Variants in GALNTL6 observed in about 807,000 individuals in gnomAD.
GALNTL6 encodes the protein polypeptide N-acetylgalactosaminyltransferase like 6, also known as polypeptide N-acetylgalactosaminyltransferase-like 6.
Under a neutral mutation model 73.7 loss-of-function variants are expected in GALNTL6, and 46 were observed. The ratio of observed to expected loss-of-function variants is 0.62; its 90% CI spans 0.49 to 0.80. The LOEUF is 0.80. Among genes scored for constraint, GALNTL6 ranks in the 30% least tolerant of loss-of-function variants. GALNTL6 has a pLI of 0.00. For synonymous variants in GALNTL6, 259 were observed against 263.7 expected (o/e 0.98, Z 0.17); for missense variants, 604 against 755.0 (o/e 0.80, Z 2.34).
chr4:171,890,629 G>C (rs1176689292), intron 2 of GALNTL6, among the ~76,000 whole-genome samples: 1 of 151,998 alleles, frequency 6.6e-6, no homozygotes, highest in East Asian at 1.9e-4. Context: ...ATTGCAATAA[G>C]CATTATAATT....
chr4:172,477,822 A>G (rs975642931), intron 5 of GALNTL6, among the ~76,000 whole-genome samples: 2 of 152,212 alleles, frequency 1.3e-5, no homozygotes, highest in Non-Finnish European at 2.9e-5. Context: ...TTAACGCTGT[A>G]AAAAAATCAG....
At chr4:173,026,987 T>G (rs550199290) in intron 12 of GALNTL6, among the ~76,000 whole-genome samples, 4 of 152,310 alleles carry the variant, frequency 2.6e-5, no homozygotes, top group African/African-American at 9.6e-5. Context: ...TATATCTATA[T>G]AGATATATAT....
At chr4:172,979,449 T>G (rs1182791673) in intron 10 of GALNTL6, among the ~76,000 whole-genome samples, 1 of 152,234 alleles carries the variant, frequency 6.6e-6, no homozygotes, top group Non-Finnish European at 1.5e-5. Flanking sequence ...TAAATTGTTT[T>G]CAATATAATC....
At chr4:172,551,924 C>T (rs954702391) in intron 5 of GALNTL6, among the ~76,000 whole-genome samples, 8 of 151,934 alleles carry the variant, frequency 5.3e-5, no homozygotes, top group Non-Finnish European at 1.0e-4. Context: ...TTCAAGTGTG[C>T]AAGAGTTTAA....
chr4:172,497,991 C>CTTTTTTTTTTTTTTTT lies in GALNTL6; in HGVS notation c.553+149312_553+149313insTTTTTTTTTTTTTTTT, dbSNP rs10669113. Among the ~76,000 whole-genome samples, 3 of 104,586 alleles carry CTTTTTTTTTTTTTTTT rather than the reference C, an allele frequency of 2.9e-5. 1 individual carries two copies. The highest frequency in any genetic ancestry group is 3.9e-5 in the African/African-American group (1 of 25,530). The allele number at this position is 104,586 out of a possible 152,430, so 68.6% of individuals were successfully genotyped here. On this transcript the variant is annotated intron_variant, in intron 5 of 12. Transcript: ENST00000506823. ...ACAGACTTTGGGGAATGTCACATTT[C>CTTTTTTTTTTTTTTTT]TTTTTTTTTTGTTTTTTTGAGATGG... is the stretch of plus-strand genomic sequence containing the variant.
At chr4:172,350,711 T>C (rs1302037937) in intron 5 of GALNTL6, among the ~76,000 whole-genome samples, 3 of 152,176 alleles carry the variant, frequency 2.0e-5, no homozygotes, top group Admixed American at 1.3e-4. Flanking sequence ...TATAATCTTT[T>C]ATAATACATC....
intron 3 of GALNTL6, among the ~76,000 whole-genome samples, chr4:172,285,465 C>G (rs1739213358): frequency 6.6e-6 from 1 of 152,108 alleles, no homozygotes; most frequent in Non-Finnish European, 1.5e-5. Flanking sequence ...TAGCAAAAGT[C>G]TAATGTCTCA....
rs115567522 is a variant in GALNTL6, at chr4:171,943,776, G to T, written c.138+129058G>T. 2.4e-3 allele frequency among the ~76,000 whole-genome samples: 359 copies of T among 152,176 alleles called. 1 individual carries two copies. Among genetic ancestry groups the T allele is most frequent in the African/African-American group, 8.3e-3 (344 of 41,536 alleles). On this transcript the variant is annotated intron_variant, in intron 2 of 12. Transcript: ENST00000506823. ...TCACTTCTGAGTTAATGTTTTCCTTGAAGTTCAAATCCATGGATATAATTT... is the reference window on the plus strand; with the variant it reads ...TCACTTCTGAGTTAATGTTTTCCTTTAAGTTCAAATCCATGGATATAATTT...
intron 10 of GALNTL6, among the ~76,000 whole-genome samples, chr4:172,957,671 T>C (rs904857456): frequency 1.3e-5 from 2 of 152,140 alleles, no homozygotes; most frequent in African/African-American, 4.8e-5. Flanking sequence ...AGGACACTTG[T>C]GTAGTGAGAA....
chr4:172,099,672 T>C (rs1220623762), intron 2 of GALNTL6, among the ~76,000 whole-genome samples: 1 of 152,182 alleles, frequency 6.6e-6, no homozygotes, highest in African/African-American at 2.4e-5. Context: ...TACACTTGTC[T>C]AGTTGTTGGA....
At chr4:172,859,046 GAA>G (rs67296281) in intron 7 of GALNTL6, among the ~76,000 whole-genome samples, 5,095 of 140,112 alleles carry the variant, frequency 0.036, 274 homozygotes, top group African/African-American at 0.13. Context: ...GAGTGGTCAG[GAA>G]AAAAAAAAAA....
At chr4:172,655,007 G>A (rs1185212770) in intron 5 of GALNTL6, among the ~76,000 whole-genome samples, 2 of 152,106 alleles carry the variant, frequency 1.3e-5, no homozygotes, top group Non-Finnish European at 2.9e-5. Context: ...CTAGTAAGGG[G>A]CAGAGCTTGA....
At chr4:172,727,236 A>C (rs1735869343) in intron 5 of GALNTL6, among the ~76,000 whole-genome samples, 1 of 152,202 alleles carries the variant, frequency 6.6e-6, no homozygotes, top group African/African-American at 2.4e-5. Flanking sequence ...TTAAGAAATA[A>C]CGCTGTAGTC....
chr4:171,914,365 A>T (rs1441975728), intron 2 of GALNTL6, among the ~76,000 whole-genome samples: 1 of 152,092 alleles, frequency 6.6e-6, no homozygotes, highest in African/African-American at 2.4e-5. Flanking sequence ...AACCAACTTC[A>T]GTGCATTTAC....
chr4:172,020,186 T>C lies in GALNTL6; in HGVS notation c.138+205468T>C, dbSNP rs542159167. Among the ~76,000 whole-genome samples the C allele has an allele frequency of 3.3e-5, 5 of 152,108 alleles. No individual in the cohort carries two copies. The South Asian group carries it at 1.0e-3, about 32-fold the overall frequency. On this transcript the variant is annotated intron_variant, in intron 2 of 12. Coordinates refer to ENST00000506823, the MANE Select transcript of GALNTL6 (RefSeq NM_001034845.3). Reference sequence around the variant, plus strand: ...AAAGCAGTACTAAGATGGAAGTTTATAGCTCTAAGTGCCTAAATCAGAAAA... The same window carrying C: ...AAAGCAGTACTAAGATGGAAGTTTACAGCTCTAAGTGCCTAAATCAGAAAA...
intron 4 of GALNTL6, among the ~76,000 whole-genome samples, chr4:172,318,124 C>A (rs924693966): frequency 1.3e-5 from 2 of 152,064 alleles, no homozygotes; most frequent in African/African-American, 2.4e-5. Context: ...AAGTGAGTAC[C>A]CTTCAATATT....
intron 5 of GALNTL6, among the ~76,000 whole-genome samples, chr4:172,566,827 G>C (rs1736571946): frequency 6.6e-6 from 1 of 152,104 alleles, no homozygotes; most frequent in Non-Finnish European, 1.5e-5. Flanking sequence ...AATGACATTG[G>C]AGGTACTGCA....
chr4:172,318,842 C>T (rs1740659365), intron 4 of GALNTL6, among the ~76,000 whole-genome samples: 3 of 151,956 alleles, frequency 2.0e-5, no homozygotes, highest in Middle Eastern at 3.2e-3. Context: ...TAAAAATAAA[C>T]TATGGCTGCT....
intron 2 of GALNTL6, among the ~76,000 whole-genome samples, chr4:171,896,232 A>C (rs1203643969): frequency 6.6e-6 from 1 of 152,210 alleles, no homozygotes; most frequent in Non-Finnish European, 1.5e-5. Flanking sequence ...TGTTTTAATT[A>C]TTTATTTTAT....
Sources: allele counts gnomAD v4.1 joint callset (sites outside exome capture counted in the v4.1 genomes callset), GRCh38; gene constraint gnomAD v4.1.1; transcripts MANE v1.5; gene names NCBI Gene and HGNC (gene_info 2026-07-23, HGNC 2026-07-21).